TAFA1: variants seen among roughly 807,000 people sequenced by gnomAD.
TAFA1 encodes chemokine-like protein TAFA-1.
Under a neutral mutation model 18.5 loss-of-function variants are expected in TAFA1, and 4 were observed. The ratio of observed to expected loss-of-function variants is 0.22; its 90% CI spans 0.11 to 0.49. The LOEUF (loss-of-function observed/expected upper bound fraction) is 0.49. Among genes scored for constraint, TAFA1 ranks in the 20% least tolerant of loss-of-function variants. The pLI is 0.98. For synonymous variants in TAFA1, 56 were observed against 55.2 expected, an observed-to-expected ratio of 1.01 and a Z score of -0.06; for missense variants, 147 against 169.0, an observed-to-expected ratio of 0.87 and a Z score of 0.72.
chr3:68,424,909 A>C (rs17047690), intron 3 of TAFA1, among the ~76,000 whole-genome samples: 1 of 151,888 alleles, frequency 6.6e-6, no homozygotes, highest in Non-Finnish European at 1.5e-5. Flanking sequence ...ACTTGGGGCC[A>C]TGATGCTGTA....
At chr3:68,236,820 G>T (rs916650081) in intron 2 of TAFA1, among the ~76,000 whole-genome samples, 12 of 152,162 alleles carry the variant, frequency 7.9e-5, no homozygotes, top group Non-Finnish European at 1.5e-4. Context: ...GCCGAGTTAT[G>T]TTGGCTGGAG....
chr3:68,225,147 A>T (rs2066781950), intron 2 of TAFA1, among the ~76,000 whole-genome samples: 1 of 151,544 alleles, frequency 6.6e-6, no homozygotes, highest in Non-Finnish European at 1.5e-5. Context: ...TGACCTCGTG[A>T]TCCACCTGCC....
At chr3:68,131,730 G>A (rs7610747) in intron 2 of TAFA1, among the ~76,000 whole-genome samples, 33,320 of 152,082 alleles carry the variant, frequency 0.22, 3,920 homozygotes, top group East Asian at 0.43. Context: ...GTAGTATCCT[G>A]GCTGGAGTTC....
chr3:68,529,458 A>AG (rs968904236), intron 3 of TAFA1, among the ~76,000 whole-genome samples: 1 of 150,416 alleles, frequency 6.6e-6, no homozygotes, highest in Non-Finnish European at 1.5e-5. Flanking sequence ...AAAAAAAAAA[A>AG]AAAAAAAAGA....
intron 2 of TAFA1, among the ~76,000 whole-genome samples, chr3:68,268,822 T>C (rs1373907531): frequency 6.6e-6 from 1 of 152,162 alleles, no homozygotes; most frequent in Non-Finnish European, 1.5e-5. Context: ...TGGGTAATCA[T>C]GATAATTAAA....
intron 3 of TAFA1, among the ~76,000 whole-genome samples, chr3:68,509,761 T>G (rs2072818326): frequency 6.6e-6 from 1 of 152,012 alleles, no homozygotes; most frequent in Admixed American, 6.6e-5. Context: ...TTGGAGAGAA[T>G]TACACAAGAA....
At chr3:68,400,357 G>C (rs926890256) in intron 2 of TAFA1, among the ~76,000 whole-genome samples, 12 of 152,290 alleles carry the variant, frequency 7.9e-5, no homozygotes, top group Middle Eastern at 3.4e-3. Flanking sequence ...AGATTCACCA[G>C]TTATAAAATA....
intron 3 of TAFA1, among the ~76,000 whole-genome samples, chr3:68,485,213 A>C (rs2072314481): frequency 6.6e-6 from 1 of 152,078 alleles, no homozygotes. Context: ...CAACTGCACT[A>C]CCTTATCACA....
At chr3:68,395,766 T>C (rs1015800002) in intron 2 of TAFA1, among the ~76,000 whole-genome samples, 1 of 151,992 alleles carries the variant, frequency 6.6e-6, no homozygotes, top group South Asian at 2.1e-4. Flanking sequence ...TTAGAACATA[T>C]GGGCTCAGGG....
At chr3:68,462,672 G>A (rs1457803504) in intron 3 of TAFA1, among the ~76,000 whole-genome samples, 1 of 152,012 alleles carries the variant, frequency 6.6e-6, no homozygotes, top group Non-Finnish European at 1.5e-5. Context: ...TTTGTCTTAA[G>A]TCATATCATC....
chr3:68,213,144 A>G (rs1009450602), intron 2 of TAFA1, among the ~76,000 whole-genome samples: 3 of 152,024 alleles, frequency 2.0e-5, no homozygotes, highest in African/African-American at 7.2e-5. Context: ...ATCGGTTATA[A>G]CACTTTGTTG....
chr3:68,128,812 G>A (rs1268910989), intron 2 of TAFA1, among the ~76,000 whole-genome samples: 1 of 152,140 alleles, frequency 6.6e-6, no homozygotes. Flanking sequence ...CAAACTGAGT[G>A]CTTCCAGGAA....
intron 2 of TAFA1, among the ~76,000 whole-genome samples, chr3:68,046,164 G>A (rs990865895): frequency 5.3e-5 from 8 of 152,188 alleles, no homozygotes; most frequent in African/African-American, 1.9e-4. Flanking sequence ...AGTGATTCTG[G>A]CGGCGGTTTT....
Position 68,522,400 on chromosome 3 carries a change from T to A in TAFA1, c.260-16356T>A, listed in dbSNP as rs2073042002. On this transcript the variant is annotated intron_variant, in intron 3 of 4. Coordinates refer to ENST00000478136, the MANE Select transcript of TAFA1 (RefSeq NM_213609.4). ...GTTCCAGTGGTGTTAGCAACATACATAAATGTGCAGAGAAATGATAGGGAA... is the reference window on the plus strand; with the variant it reads ...GTTCCAGTGGTGTTAGCAACATACAAAAATGTGCAGAGAAATGATAGGGAA... 1.3e-5 allele frequency among the ~76,000 whole-genome samples: 2 copies of A among 152,154 alleles called. 1 individual carries two copies. The highest frequency in any genetic ancestry group is 4.1e-4 in the South Asian group (2 of 4,826).
chr3:68,055,694 T>A (rs942405750), intron 2 of TAFA1, among the ~76,000 whole-genome samples: 1 of 151,980 alleles, frequency 6.6e-6, no homozygotes, highest in African/African-American at 2.4e-5. Context: ...ACTTCTGAAG[T>A]CTCAGAGGGT....
chr3:68,204,365 GC>G (rs919651873), intron 2 of TAFA1, among the ~76,000 whole-genome samples: 1 of 151,822 alleles, frequency 6.6e-6, no homozygotes, highest in Non-Finnish European at 1.5e-5. Context: ...TCATGGGAAA[GC>G]CCCCCACTTA....
chr3:68,541,989 C>T (rs1405858222), intron 4 of TAFA1, among the ~76,000 whole-genome samples: 2 of 152,090 alleles, frequency 1.3e-5, no homozygotes, highest in African/African-American at 2.4e-5. Context: ...CACCCCAGAA[C>T]GTCTGGAGTA....
chr3:68,205,417 G>A (rs953369106), intron 2 of TAFA1, among the ~76,000 whole-genome samples: 3 of 151,868 alleles, frequency 2.0e-5, no homozygotes, highest in African/African-American at 7.2e-5. Flanking sequence ...GAATGAAAAA[G>A]AACATAGGGC....
At chr3:68,004,827 C>G (rs1024123667) in intron 1 of TAFA1, 125 bp downstream of exon 1, 1 of 152,040 alleles carries the variant, frequency 6.6e-6, no homozygotes, top group African/African-American at 2.4e-5. Context: ...ATTGAGACAA[C>G]CCCTTGGTAA....
Sources: allele counts gnomAD v4.1 joint callset (sites outside exome capture counted in the v4.1 genomes callset), GRCh38; gene constraint gnomAD v4.1.1; transcripts MANE v1.5; gene names NCBI Gene and HGNC (gene_info 2026-07-23, HGNC 2026-07-21).